WDSUB1: variants seen among roughly 807,000 people sequenced by gnomAD.
WDSUB1 encodes the protein WD repeat, sterile alpha motif and U-box domain containing 1, also known as WD repeat, SAM and U-box domain-containing protein 1.
A neutral mutation model predicts 53.9 loss-of-function variants in WDSUB1; 49 were observed. The ratio of observed to expected loss-of-function variants is 0.91; its 90% CI spans 0.72 to 1.15. The LOEUF (loss-of-function observed/expected upper bound fraction) is 1.15, where lower values mean the gene tolerates loss of function less well. WDSUB1 is among the 50% of genes most tolerant of loss of function. The pLI is 0.00. For missense variants in WDSUB1, 514 were observed against 562.0 expected, an observed-to-expected ratio of 0.91 and a Z score of 0.86; for synonymous variants, 194 against 200.6, an observed-to-expected ratio of 0.97 and a Z score of 0.28.
In WDSUB1 at chr2:159,256,223, C is replaced by G. The variant is rs745958104; in HGVS notation, c.1105G>C (p.Glu369Gln). The change falls in exon 9 of 11, where the codon GAA becomes CAA. Residue 369 changes from glutamate to glutamine, a missense_variant. Glu to Gln is a conservative substitution (Grantham distance 29). Coordinates refer to ENST00000359774, the MANE Select transcript of WDSUB1 (RefSeq NM_001128212.3). ...DGKELLNLTK[E>Q]SLADDLKIES... ...ATTTTCAAATCATCAGCCAGACTTT[C>G]TTTTGTAAGATTCAACAGTTCTTTT... 6.2e-7 allele frequency: 1 copy of G among 1,602,334 alleles called. No individual in the cohort carries two copies. Among genetic ancestry groups the G allele is most frequent in the Non-Finnish European group, 8.5e-7 (1 of 1,176,358 alleles).
At chr2:159,275,685 A>ACCCC in intron 3 of WDSUB1, 47 bp from the exon 4 acceptor site, 1 of 1,329,486 alleles carries the variant, frequency 7.5e-7, no homozygotes. Context: ...AAACACTGAA[A>ACCCC]CCCCCCCAAA....
intron 9 of WDSUB1, among the ~76,000 whole-genome samples, chr2:159,252,374 C>A (rs938572866): frequency 3.9e-5 from 6 of 152,164 alleles, no homozygotes; most frequent in African/African-American, 1.4e-4. Context: ...TCTTCATGAA[C>A]CCTACAATAT....
intron 2 of WDSUB1, among the ~76,000 whole-genome samples, chr2:159,280,347 T>G (rs2061629049): frequency 6.6e-6 from 1 of 152,104 alleles, no homozygotes. Flanking sequence ...CTATTTTTAT[T>G]GGAAAATATG....
At chr2:159,280,487 C>T (rs559673731) in intron 2 of WDSUB1, among the ~76,000 whole-genome samples, 79 of 151,094 alleles carry the variant, frequency 5.2e-4, no homozygotes, top group Admixed American at 2.5e-3. Context: ...GTCAGGAGAT[C>T]GAGACCATCC....
At chr2:159,245,731 T>C (rs1302822636) in intron 10 of WDSUB1, among the ~76,000 whole-genome samples, 1 of 152,106 alleles carries the variant, frequency 6.6e-6, no homozygotes, top group Non-Finnish European at 1.5e-5. Flanking sequence ...AGGAAAGCCA[T>C]AAACAAAAAT....
At chr2:159,270,880 T>C (rs1362618831) in intron 5 of WDSUB1, among the ~76,000 whole-genome samples, 1 of 151,332 alleles carries the variant, frequency 6.6e-6, no homozygotes, top group Non-Finnish European at 1.5e-5. Context: ...AACAAATCAG[T>C]AAGAAAAAGA....
chr2:159,272,649 G>T (rs1045243921), intron 4 of WDSUB1, among the ~76,000 whole-genome samples: 3 of 151,928 alleles, frequency 2.0e-5, no homozygotes, highest in African/African-American at 7.3e-5. Context: ...AACAAAATAC[G>T]CCAATTGCCC....
chr2:159,240,151 T>C lies in WDSUB1; in HGVS notation c.1274-3961A>G, dbSNP rs118140901. Among the ~76,000 whole-genome samples, 126 of 152,358 alleles carry C rather than the reference T, an allele frequency of 8.3e-4. No homozygotes were observed. In the East Asian group the frequency reaches 0.022, roughly 27 times the overall value. ...TTCATATAATGGGAATCATACACTA[T>C]GCAGCCTTTGGTATAGGGCTTCTTG... On this transcript the variant is annotated intron_variant, in intron 10 of 10. Coordinates refer to ENST00000359774, the MANE Select transcript of WDSUB1 (RefSeq NM_001128212.3).
At chr2:159,245,220 C>G (rs2060765874) in intron 10 of WDSUB1, among the ~76,000 whole-genome samples, 1 of 152,144 alleles carries the variant, frequency 6.6e-6, no homozygotes, top group South Asian at 2.1e-4. Context: ...TTTTCACTAT[C>G]TGACTTCAAG....
chr2:159,251,274 A>T (rs1347420406), intron 9 of WDSUB1, among the ~76,000 whole-genome samples: 1 of 151,874 alleles, frequency 6.6e-6, no homozygotes, highest in Non-Finnish European at 1.5e-5. Context: ...TCAAAAAAAA[A>T]TTAAGAAAAA....
chr2:159,250,533 T>C (rs987974330), intron 9 of WDSUB1, among the ~76,000 whole-genome samples: 6 of 152,194 alleles, frequency 3.9e-5, no homozygotes, highest in African/African-American at 1.4e-4. Flanking sequence ...ACAGCCAGCC[T>C]TGAATGTAAC....
intron 5 of WDSUB1, among the ~76,000 whole-genome samples, chr2:159,262,905 C>G (rs2303336): frequency 0.93 from 141,790 of 152,244 alleles, 66,060 homozygotes; most frequent in Admixed American, 0.95. Flanking sequence ...GCTATAGTTC[C>G]TCCCCCAAAT....
rs764735164 is a variant in WDSUB1 at position 159,236,095 on chromosome 2, G to C, written c.1369C>G (p.Leu457Val). The C allele has an allele frequency of 8.7e-6, 14 of 1,613,944 alleles. No individual in the cohort carries two copies. Among genetic ancestry groups the C allele is most frequent in the Non-Finnish European group, 1.1e-5 (13 of 1,179,970 alleles). ...MTNLVLPSAV[L>V]TPNRTLKMAI... ...ATTTTCAGAGTCCTATTTGGTGTAA[G>C]TACCGCTGAAGGAAGAACAAGATTT... Residue 457 changes from leucine to valine, a missense_variant, in exon 11 of 11, where the codon CTT (leucine) becomes GTT (valine). Leu to Val is a conservative substitution (Grantham distance 32). Coordinates refer to ENST00000359774, the MANE Select transcript of WDSUB1 (RefSeq NM_001128212.3).
chr2:159,284,118 G>A lies in WDSUB1; in HGVS notation c.-24-1025C>T, dbSNP rs146592955. 3.7e-3 allele frequency among the ~76,000 whole-genome samples: 564 copies of A among 152,198 alleles called. 1 individual carries two copies. The highest frequency in any genetic ancestry group is 0.013 in the African/African-American group (539 of 41,536). On this transcript the variant is annotated intron_variant, in intron 1 of 10. Coordinates refer to ENST00000359774, the MANE Select transcript of WDSUB1 (RefSeq NM_001128212.3). ...TGAGCCACCGTACCCGGCCAAGGGA[G>A]CTCTGTTTTAAAGGACAACCTGTTA...
At position 159,268,590 on chromosome 2, in the gene WDSUB1, G is replaced by A. The variant is rs139095415; in HGVS notation, c.770+3112C>T. Among the ~76,000 whole-genome samples the A allele has an allele frequency of 3.6e-3, 542 of 152,290 alleles. 3 individuals are homozygous for A. The highest frequency in any genetic ancestry group is 6.3e-3 in the Non-Finnish European group (429 of 68,024). On this transcript the variant is annotated intron_variant, in intron 5 of 10. Transcript: ENST00000359774. ...GGAGGTTAGGAGCCTAAATATCTTA[G>A]CTGGAATGAAAGTTGCTATGAAGAG...
chr2:159,266,172 C>A (rs570076018), intron 5 of WDSUB1, among the ~76,000 whole-genome samples: 1 of 152,216 alleles, frequency 6.6e-6, no homozygotes, highest in South Asian at 2.1e-4. Context: ...AGGGTAATAA[C>A]TTTTAAGAGT....
intron 10 of WDSUB1, among the ~76,000 whole-genome samples, chr2:159,244,583 A>G (rs1431934181): frequency 6.6e-6 from 1 of 152,204 alleles, no homozygotes; most frequent in East Asian, 1.9e-4. Context: ...TCACAAAGTC[A>G]ATATATAACA....
rs1431870895 is a variant in WDSUB1 at position 159,286,171 on chromosome 2, G to A, written c.-25+412C>T. On this transcript the variant is annotated intron_variant, in intron 1 of 10. Coordinates refer to ENST00000359774, the MANE Select transcript of WDSUB1 (RefSeq NM_001128212.3). ...CCGGGCACACCAGGTCAGTTGGCCA[G>A]CGTAAACACATGAATCCCATCTCAT... Among the ~76,000 whole-genome samples the A allele has an allele frequency of 2.0e-5, 3 of 152,124 alleles. No individual in the cohort carries two copies. The East Asian group carries it at 5.8e-4, about 29-fold the overall frequency.
chr2:159,268,591 C>T (rs1017412149), intron 5 of WDSUB1, among the ~76,000 whole-genome samples: 1 of 152,118 alleles, frequency 6.6e-6, no homozygotes, highest in Non-Finnish European at 1.5e-5. Flanking sequence ...AATATCTTAG[C>T]TGGAATGAAA....
Sources: allele counts gnomAD v4.1 joint callset (sites outside exome capture counted in the v4.1 genomes callset), GRCh38; gene constraint gnomAD v4.1.1; transcripts MANE v1.5; gene names NCBI Gene and HGNC (gene_info 2026-07-23, HGNC 2026-07-21).